LRP1B: variants seen among roughly 807,000 people sequenced by gnomAD.
LRP1B encodes LDL receptor related protein 1B, also known as low-density lipoprotein receptor-related protein 1B.
LRP1B carries 217 observed loss-of-function variants against 556.6 expected under a neutral mutation model. The observed-to-expected ratio is 0.39, with a 90% confidence interval of 0.35 to 0.44. The LOEUF (loss-of-function observed/expected upper bound fraction) is 0.44, where lower values mean the gene tolerates loss of function less well. Among genes scored for constraint, LRP1B ranks in the 20% least tolerant of loss-of-function variants. The pLI is 1.00. For synonymous variants in LRP1B, 2,047 were observed against 1,865.8 expected (o/e 1.10, Z -2.50); for missense variants, 5,053 against 5,620.8 (o/e 0.90, Z 3.23).
intron 3 of LRP1B, among the ~76,000 whole-genome samples, chr2:141,276,222 T>A (rs1368788831): frequency 6.6e-6 from 1 of 152,242 alleles, no homozygotes. Flanking sequence ...CACATAACTA[T>A]CTTCACTTCC....
intron 22 of LRP1B, among the ~76,000 whole-genome samples, chr2:140,906,731 A>C (rs2105229526): frequency 6.6e-6 from 1 of 152,208 alleles, no homozygotes; most frequent in East Asian, 1.9e-4. Context: ...TTCATGAGCA[A>C]ACCTCTCACC....
chr2:140,693,368 A>C (rs1686313675), intron 41 of LRP1B, among the ~76,000 whole-genome samples: 1 of 152,220 alleles, frequency 6.6e-6, no homozygotes, highest in African/African-American at 2.4e-5. Flanking sequence ...CCCAGGCTAG[A>C]GTGCAGTGGT....
chr2:140,756,527 C>T (rs1348053737), intron 35 of LRP1B, among the ~76,000 whole-genome samples: 1 of 152,028 alleles, frequency 6.6e-6, no homozygotes, highest in African/African-American at 2.4e-5. Context: ...TAAAGCCTCA[C>T]ATTTACAATC....
chr2:142,131,008 G>T lies in LRP1B; in HGVS notation c.-279C>A. 3 of 515,538 alleles carry T rather than the reference G, an allele frequency of 5.8e-6. No individual in the cohort carries two copies. The highest frequency in any genetic ancestry group is 3.4e-5 in the East Asian group (1 of 29,036). 31.9% of individuals were successfully genotyped at this position (515,538 alleles called of 1,614,324 possible). A position where few individuals can be genotyped will look rare whatever the true frequency, so the allele number is the denominator to read the frequency against. On this transcript the variant is annotated 5_prime_UTR_variant, in exon 1 of 91. Coordinates refer to ENST00000389484, the MANE Select transcript of LRP1B (RefSeq NM_018557.3). ...CGTGTGTCTTGACTTTTCAATGCAG[G>T]GTACGTCTGATCTTACATCACGCAA...
chr2:141,589,449 T>C (rs1358906125), intron 2 of LRP1B, among the ~76,000 whole-genome samples: 1 of 152,200 alleles, frequency 6.6e-6, no homozygotes, highest in Admixed American at 6.5e-5. Context: ...AGTTCCTTTG[T>C]ACGCTTTTTA....
intron 3 of LRP1B, among the ~76,000 whole-genome samples, chr2:141,412,257 A>C (rs1297614566): frequency 1.3e-5 from 2 of 152,188 alleles, no homozygotes; most frequent in East Asian, 3.8e-4. Context: ...TTATAGCTTA[A>C]AGCCCTGCTG....
At chr2:140,959,656 C>G (rs1325956107) in intron 18 of LRP1B, among the ~76,000 whole-genome samples, 2 of 151,508 alleles carry the variant, frequency 1.3e-5, no homozygotes, top group Admixed American at 6.6e-5. Flanking sequence ...TATTAAAACT[C>G]AAAATACATG....
intron 20 of LRP1B, among the ~76,000 whole-genome samples, chr2:140,949,767 C>G (rs1306857757): frequency 6.6e-6 from 1 of 150,996 alleles, no homozygotes; most frequent in Non-Finnish European, 1.5e-5. Context: ...GGTGAAACCC[C>G]GTCCCTACTA....
At chr2:140,891,617 T>C (rs1435027913) in intron 23 of LRP1B, among the ~76,000 whole-genome samples, 1 of 152,142 alleles carries the variant, frequency 6.6e-6, no homozygotes, top group East Asian at 1.9e-4. Context: ...GTATATTATT[T>C]ATCTGGCCCA....
chr2:141,817,732 A>G (rs921316584), intron 1 of LRP1B, among the ~76,000 whole-genome samples: 1 of 152,112 alleles, frequency 6.6e-6, no homozygotes, highest in Non-Finnish European at 1.5e-5. Flanking sequence ...TAATTTACAA[A>G]AATTTTATGC....
At chr2:140,459,974 C>T (rs546202361) in intron 60 of LRP1B, among the ~76,000 whole-genome samples, 2 of 152,278 alleles carry the variant, frequency 1.3e-5, no homozygotes, top group Non-Finnish European at 2.9e-5. Flanking sequence ...GTCTCCTGTA[C>T]AGCCTATGGA....
At chr2:141,910,353 C>T (rs1699876759) in intron 1 of LRP1B, among the ~76,000 whole-genome samples, 1 of 152,028 alleles carries the variant, frequency 6.6e-6, no homozygotes, top group African/African-American at 2.4e-5. Context: ...ATTTACTCTG[C>T]TACACAGTGT....
intron 18 of LRP1B, among the ~76,000 whole-genome samples, chr2:140,976,721 G>A (rs886351454): frequency 7.9e-5 from 12 of 151,882 alleles, no homozygotes; most frequent in African/African-American, 2.2e-4. Flanking sequence ...ATGTTTGCCA[G>A]GTTGGTCTCA....
intron 51 of LRP1B, among the ~76,000 whole-genome samples, chr2:140,513,876 C>T (rs1022500778): frequency 6.6e-6 from 1 of 151,896 alleles, no homozygotes; most frequent in Admixed American, 6.6e-5. Flanking sequence ...GAATATATAG[C>T]TACAGGTACA....
intron 43 of LRP1B, among the ~76,000 whole-genome samples, chr2:140,597,600 G>T (rs963699023): frequency 6.6e-6 from 1 of 152,000 alleles, no homozygotes; most frequent in Non-Finnish European, 1.5e-5. Context: ...GTTTATAAAG[G>T]CTAAATAATT....
chr2:140,234,983 C>T (rs1354925573), intron 89 of LRP1B, 99 bp from the exon 90 acceptor site: 3 of 599,296 alleles, frequency 5.0e-6, no homozygotes, highest in South Asian at 2.2e-5. Flanking sequence ...CATAAAAATA[C>T]CCTTTAGCCT....
intron 2 of LRP1B, among the ~76,000 whole-genome samples, chr2:141,591,193 C>T (rs28380114): frequency 0.025 from 3,818 of 152,246 alleles, 90 homozygotes; most frequent in South Asian, 0.066. Context: ...TTCCCTCTCT[C>T]ATACTTCCTA....
At chr2:141,563,118 T>C (rs189221102) in intron 2 of LRP1B, among the ~76,000 whole-genome samples, 299 of 152,096 alleles carry the variant, frequency 2.0e-3, no homozygotes, top group Middle Eastern at 6.8e-3. Flanking sequence ...AGGTGATTGT[T>C]AGAACCTTAA....
chr2:141,020,674 C>A (rs915069755), intron 11 of LRP1B, among the ~76,000 whole-genome samples: 1 of 151,988 alleles, frequency 6.6e-6, no homozygotes, highest in Non-Finnish European at 1.5e-5. Context: ...CGCCAAAATA[C>A]TTCTCTTTGT....
Sources: allele counts gnomAD v4.1 joint callset (sites outside exome capture counted in the v4.1 genomes callset), GRCh38; gene constraint gnomAD v4.1.1; transcripts MANE v1.5; gene names NCBI Gene and HGNC (gene_info 2026-07-23, HGNC 2026-07-21).